Variants in CPA6 observed in about 807,000 individuals in gnomAD.
CPA6 encodes carboxypeptidase A6.
CPA6 carries 58 observed loss-of-function variants against 63.3 expected under a neutral mutation model. The ratio of observed to expected loss-of-function variants is 0.92; its 90% CI spans 0.74 to 1.14. CPA6 has a LOEUF of 1.14. Ranked by LOEUF, CPA6 falls within the 50% of genes most tolerant of loss-of-function variation. The pLI is 0.00. For missense variants in CPA6, 565 were observed against 526.6 expected, an observed-to-expected ratio of 1.07 and a Z score of -0.71; for synonymous variants, 185 against 179.0, an observed-to-expected ratio of 1.03 and a Z score of -0.27.
chr8:67,593,868 A>T (rs994457013), intron 2 of CPA6, among the ~76,000 whole-genome samples: 1 of 148,592 alleles, frequency 6.7e-6, no homozygotes, highest in Admixed American at 6.8e-5. Context: ...TAATTGGAGC[A>T]TTTAGTCCAT....
chr8:67,442,835 G>A (rs1587429257), intron 8 of CPA6, among the ~76,000 whole-genome samples: 1 of 152,100 alleles, frequency 6.6e-6, no homozygotes, highest in Non-Finnish European at 1.5e-5. Flanking sequence ...TTTCCCCACA[G>A]CTGCGCCTCG....
chr8:67,673,982 C>A (rs868657356), intron 1 of CPA6, among the ~76,000 whole-genome samples: 2 of 152,126 alleles, frequency 1.3e-5, no homozygotes, highest in East Asian at 1.9e-4. Flanking sequence ...ATCATAGCTA[C>A]CATTTATTGA....
intron 1 of CPA6, among the ~76,000 whole-genome samples, chr8:67,729,907 G>A (rs923767484): frequency 3.3e-5 from 5 of 152,206 alleles, no homozygotes; most frequent in African/African-American, 1.2e-4. Context: ...TATTCTTACG[G>A]GCCCCAATTT....
intron 6 of CPA6, among the ~76,000 whole-genome samples, chr8:67,489,377 A>T (rs557360269): frequency 6.6e-6 from 1 of 152,286 alleles, no homozygotes; most frequent in South Asian, 2.1e-4. Flanking sequence ...CCTTAGTTGC[A>T]TTCTATATGT....
At chr8:67,530,078 T>C (rs1253547446) in intron 2 of CPA6, among the ~76,000 whole-genome samples, 5 of 152,102 alleles carry the variant, frequency 3.3e-5, no homozygotes, top group Admixed American at 2.6e-4. Context: ...GAGGATATGT[T>C]CAAGAAACAA....
At chr8:67,536,415 C>A (rs1812586172) in intron 2 of CPA6, among the ~76,000 whole-genome samples, 1 of 152,046 alleles carries the variant, frequency 6.6e-6, no homozygotes, top group African/African-American at 2.4e-5. Flanking sequence ...CCTTCACATC[C>A]CTTGTAAGTT....
chr8:67,510,865 T>C (rs1392749777), intron 4 of CPA6, among the ~76,000 whole-genome samples: 1 of 152,184 alleles, frequency 6.6e-6, no homozygotes, highest in Non-Finnish European at 1.5e-5. Context: ...ACTCACATAA[T>C]TACATAATTA....
intron 2 of CPA6, among the ~76,000 whole-genome samples, chr8:67,526,443 G>C (rs1274345491): frequency 1.3e-5 from 2 of 152,110 alleles, no homozygotes; most frequent in Non-Finnish European, 2.9e-5. Flanking sequence ...ACATAGGGTG[G>C]ACCTGTCTAA....
At position 67,553,938 on chromosome 8, in the gene CPA6, T is replaced by C. The variant is rs142127565; in HGVS notation, c.193-35891A>G. 4.6e-3 allele frequency among the ~76,000 whole-genome samples: 694 copies of C among 152,360 alleles called. 4 individuals are homozygous for C. The highest frequency in any genetic ancestry group is 0.016 in the African/African-American group (648 of 41,590). On this transcript the variant is annotated intron_variant, in intron 2 of 10. Transcript: ENST00000297770. ...TCAAACCTGAATTTTTGGCTTGCTG[T>C]AAACCATGTGCTATTCCTGAAGGGT...
intron 1 of CPA6, among the ~76,000 whole-genome samples, chr8:67,702,404 C>T (rs1817045022): frequency 6.6e-6 from 1 of 152,014 alleles, no homozygotes; most frequent in African/African-American, 2.4e-5. Flanking sequence ...CAGACATGAG[C>T]AGTGCAGGAG....
intron 1 of CPA6, among the ~76,000 whole-genome samples, chr8:67,639,977 CA>C (rs1815552715): frequency 6.6e-6 from 1 of 151,422 alleles, no homozygotes; most frequent in African/African-American, 2.5e-5. Context: ...CCTGTCTCTT[CA>C]GCTCTCAGCA....
At chr8:67,614,673 C>T (rs1317227049) in intron 2 of CPA6, among the ~76,000 whole-genome samples, 2 of 152,150 alleles carry the variant, frequency 1.3e-5, no homozygotes, top group Non-Finnish European at 2.9e-5. Flanking sequence ...TGTGTAGAAA[C>T]ATGTTCATGT....
At chr8:67,574,161 T>C (rs1434531840) in intron 2 of CPA6, among the ~76,000 whole-genome samples, 2 of 151,742 alleles carry the variant, frequency 1.3e-5, no homozygotes, top group Non-Finnish European at 2.9e-5. Context: ...GCAGATCACT[T>C]GATGTCAGGA....
intron 2 of CPA6, among the ~76,000 whole-genome samples, chr8:67,577,776 G>T (rs1327190550): frequency 1.3e-5 from 2 of 152,196 alleles, no homozygotes; most frequent in East Asian, 3.9e-4. Context: ...AAGAGTACCT[G>T]TGTGTCAGGC....
At position 67,713,095 on chromosome 8, in the gene CPA6, GTGTGTATA is replaced by G. The variant is rs60511762; in HGVS notation, c.116+32911_116+32918del. On this transcript the variant is annotated intron_variant, in intron 1 of 10. Transcript: ENST00000297770. ...TATCTGTGTGTGTATGTGTGTGTGT[GTGTGTATA>G]TATATATATATATATATATATATAT... Among the ~76,000 whole-genome samples the G allele has an allele frequency of 8.0e-3, 689 of 86,264 alleles. 1 individual carries two copies. The highest frequency in any genetic ancestry group is 0.022 in the Middle Eastern group (3 of 138). 56.6% of individuals were successfully genotyped at this position (86,264 alleles called of 152,430 possible). A position where few individuals can be genotyped will look rare whatever the true frequency, so the allele number is the denominator to read the frequency against.
At chr8:67,663,110 T>C (rs183393860) in intron 1 of CPA6, among the ~76,000 whole-genome samples, 1 of 152,154 alleles carries the variant, frequency 6.6e-6, no homozygotes. Context: ...AGTTCTCTAT[T>C]CAGGACTTGA....
chr8:67,461,080 T>TA (rs1268888124), intron 8 of CPA6, among the ~76,000 whole-genome samples: 18 of 151,626 alleles, frequency 1.2e-4, no homozygotes, highest in African/African-American at 4.1e-4. Flanking sequence ...TAATTTTTTT[T>TA]ATTGATCATT....
chr8:67,686,359 G>A (rs566975173), intron 1 of CPA6, among the ~76,000 whole-genome samples: 3 of 152,242 alleles, frequency 2.0e-5, no homozygotes, highest in Admixed American at 6.5e-5. Flanking sequence ...GTGGGCTGCT[G>A]TTGCCCATCT....
chr8:67,632,148 C>CTGTGTGTGTG (rs35463897), intron 1 of CPA6, among the ~76,000 whole-genome samples: 1 of 147,848 alleles, frequency 6.8e-6, no homozygotes, highest in African/African-American at 2.5e-5. Flanking sequence ...AAAAATGATG[C>CTGTGTGTGTG]TGTGTGTGTG....
Sources: allele counts gnomAD v4.1 joint callset (sites outside exome capture counted in the v4.1 genomes callset), GRCh38; gene constraint gnomAD v4.1.1; transcripts MANE v1.5; gene names NCBI Gene and HGNC (gene_info 2026-07-23, HGNC 2026-07-21).